Variants in KCNAB1 observed in about 807,000 individuals in gnomAD.
KCNAB1 encodes voltage-gated potassium channel subunit beta-1.
Under a neutral mutation model 64.6 loss-of-function variants are expected in KCNAB1, and 35 were observed. The observed-to-expected ratio is 0.54, with a 90% CI of 0.41 to 0.72. KCNAB1 has a LOEUF of 0.72. Among genes scored for constraint, KCNAB1 ranks in the 30% least tolerant of loss-of-function variants. The probability of loss-of-function intolerance (pLI) is 0.00; values close to 1 mark genes in which losing one functional copy is unlikely to be tolerated. For missense variants in KCNAB1, 401 were observed against 512.9 expected, an observed-to-expected ratio of 0.78 and a Z score of 2.11; for synonymous variants, 177 against 183.8, an observed-to-expected ratio of 0.96 and a Z score of 0.30.
intron 1 of KCNAB1, among the ~76,000 whole-genome samples, chr3:156,238,502 G>A (rs1323727925): frequency 1.3e-5 from 2 of 151,134 alleles, no homozygotes; most frequent in Non-Finnish European, 2.9e-5. Context: ...CCTAACAAAT[G>A]GCAAATAGCA....
At chr3:156,169,240 T>G (rs751560574) in intron 1 of KCNAB1, among the ~76,000 whole-genome samples, 1 of 152,218 alleles carries the variant, frequency 6.6e-6, no homozygotes, top group African/African-American at 2.4e-5. Flanking sequence ...ATAAAGCTCA[T>G]TTAGTCTCAA....
At chr3:156,278,302 C>T (rs1719470253) in intron 1 of KCNAB1, among the ~76,000 whole-genome samples, 1 of 152,160 alleles carries the variant, frequency 6.6e-6, no homozygotes, top group Admixed American at 6.6e-5. Context: ...TTCTCCATCC[C>T]ATCATGCGAG....
intron 1 of KCNAB1, among the ~76,000 whole-genome samples, chr3:156,268,587 CGTT>C (rs1406949738): frequency 6.6e-6 from 1 of 152,126 alleles, no homozygotes; most frequent in African/African-American, 2.4e-5. Context: ...GATGATATCT[CGTT>C]GTTGTTTTGA....
At chr3:156,459,723 T>G (rs1234693518) in intron 4 of KCNAB1, 104 bp from the exon 5 acceptor site, 19 of 783,764 alleles carry the variant, frequency 2.4e-5, no homozygotes, top group Admixed American at 7.3e-5. Flanking sequence ...TTTCGGGATA[T>G]GTAGGCACTG....
At chr3:156,187,446 A>C (rs191028584) in intron 1 of KCNAB1, among the ~76,000 whole-genome samples, 1 of 152,312 alleles carries the variant, frequency 6.6e-6, no homozygotes, top group Non-Finnish European at 1.5e-5. Context: ...TCTATTCAGC[A>C]TGTCTAAAAC....
In KCNAB1 at chr3:156,398,419, G is replaced by A. The variant is rs144235835; in HGVS notation, c.276-23197G>A. 3.4e-3 allele frequency among the ~76,000 whole-genome samples: 523 copies of A among 151,924 alleles called. 3 individuals carry two copies. The highest frequency in any genetic ancestry group is 9.9e-3 in the East Asian group (51 of 5,160). On this transcript the variant is annotated intron_variant, in intron 1 of 13. Coordinates refer to ENST00000490337, the MANE Select transcript of KCNAB1 (RefSeq NM_172160.3). ...CATCCTGGCTAACATGGCGAAACCC[G>A]GTCTCTACTAAAAATTCAAAAAATT...
intron 1 of KCNAB1, among the ~76,000 whole-genome samples, chr3:156,122,093 A>T (rs11716256): frequency 6.6e-6 from 1 of 151,942 alleles, no homozygotes; most frequent in Non-Finnish European, 1.5e-5. Context: ...TATGAAATAC[A>T]TTTGGTATTC....
At chr3:156,395,544 CAAAAAAAAAAAAAAAAAAAAAAAAA>C (rs61017269) in intron 1 of KCNAB1, among the ~76,000 whole-genome samples, 9 of 25,446 alleles carry the variant, frequency 3.5e-4, no homozygotes, top group Middle Eastern at 0.038. Context: ...GACTCCGTCT[CAAAAAAAAAAAAAAAAAAAAAAAAA>C]AAAAAAAAAA....
At chr3:156,292,054 C>G (rs1471272455) in intron 1 of KCNAB1, 2 of 1,614,206 alleles carry the variant, frequency 1.2e-6, no homozygotes, top group Middle Eastern at 1.6e-4. Flanking sequence ...TCGCGCGCAG[C>G]CTGGGGACGT....
chr3:156,164,910 G>T (rs1434179570), intron 1 of KCNAB1, among the ~76,000 whole-genome samples: 1 of 152,184 alleles, frequency 6.6e-6, no homozygotes, highest in Non-Finnish European at 1.5e-5. Flanking sequence ...GAATTGAAAA[G>T]CTGTACTGCT....
chr3:156,294,801 A>G (rs986267967), intron 1 of KCNAB1, among the ~76,000 whole-genome samples: 2 of 152,200 alleles, frequency 1.3e-5, no homozygotes, highest in Admixed American at 1.3e-4. Flanking sequence ...ATCCAACAGA[A>G]GATTTTTTAA....
At chr3:156,335,456 C>T (rs144098739) in intron 1 of KCNAB1, among the ~76,000 whole-genome samples, 18 of 152,234 alleles carry the variant, frequency 1.2e-4, no homozygotes, top group African/African-American at 3.9e-4. Context: ...TATTTACACA[C>T]GTGTCTGGTC....
At chr3:156,341,769 A>C (rs917161143) in intron 1 of KCNAB1, among the ~76,000 whole-genome samples, 1 of 152,230 alleles carries the variant, frequency 6.6e-6, no homozygotes, top group African/African-American at 2.4e-5. Flanking sequence ...ATACATATAC[A>C]TATTATACCA....
chr3:156,289,969 C>G (rs1038214703), intron 1 of KCNAB1, among the ~76,000 whole-genome samples: 1 of 152,090 alleles, frequency 6.6e-6, no homozygotes, highest in African/African-American at 2.4e-5. Flanking sequence ...TTTCATGTAC[C>G]AGGCAAAGTC....
At chr3:156,443,316 G>A (rs1717142311) in intron 2 of KCNAB1, among the ~76,000 whole-genome samples, 1 of 152,124 alleles carries the variant, frequency 6.6e-6, no homozygotes, top group Non-Finnish European at 1.5e-5. Flanking sequence ...GGAAGAACAT[G>A]GGCAGATTGT....
chr3:156,369,533 A>C (rs146747206), intron 1 of KCNAB1, among the ~76,000 whole-genome samples: 125 of 152,356 alleles, frequency 8.2e-4, no homozygotes, highest in African/African-American at 2.9e-3. Flanking sequence ...TGCGTAGCAA[A>C]GTTGCAAATA....
intron 8 of KCNAB1, among the ~76,000 whole-genome samples, chr3:156,481,869 G>T (rs535593184): frequency 4.5e-4 from 69 of 152,226 alleles, no homozygotes; most frequent in African/African-American, 1.6e-3. Context: ...TTAACAATGT[G>T]GTTACAGCAC....
Position 156,120,884 on chromosome 3 carries a change from C to T in KCNAB1, c.273C>T (p.His91=). 1 of 1,613,732 alleles carries T rather than the reference C, an allele frequency of 6.2e-7. No homozygotes were observed. Among genetic ancestry groups the T allele is most frequent in the Non-Finnish European group, 8.5e-7 (1 of 1,179,868 alleles). The change falls in exon 1 of 14, where the codon CAC becomes CAT. Residue 91 remains histidine (H), a splice_region_variant and synonymous_variant. Transcript: ENST00000490337. ...HTTVCTTGMP[H]RNLGKSGLRV... is the part of the protein sequence containing the mutation. ...CCGTCTGCACCACAGGCATGCCGCA[C>T]AGGTAAGCTGCCCCTGCTCTGCGCG...
chr3:156,406,833 A>T (rs73019935), intron 1 of KCNAB1, among the ~76,000 whole-genome samples: 1 of 152,226 alleles, frequency 6.6e-6, no homozygotes, highest in East Asian at 1.9e-4. Context: ...CTAAGACAAG[A>T]CCACTGAACT....
Sources: gnomAD v4.1 joint callset for allele counts (sites outside exome capture counted in the v4.1 genomes callset) on GRCh38, gnomAD v4.1.1 for gene constraint, MANE v1.5 for transcripts, NCBI Gene and HGNC (gene_info 2026-07-23, HGNC 2026-07-21) for gene names.